Variants in C1orf21 observed in about 807,000 individuals in gnomAD.
C1orf21 encodes the protein uncharacterized protein C1orf21.
A neutral mutation model predicts 18.7 loss-of-function variants in C1orf21; 3 were observed. That is an observed-to-expected ratio of 0.16 (90% CI 0.07 to 0.42). The LOEUF is 0.42. Ranked by LOEUF, C1orf21 falls within the 10% of genes least tolerant of loss-of-function variation. The pLI, the probability that C1orf21 is intolerant of heterozygous loss-of-function variation, is 0.99. For synonymous variants in C1orf21, 41 were observed against 46.4 expected (o/e 0.88, Z 0.47); for missense variants, 104 against 143.6 (o/e 0.72, Z 1.41).
intron 5 of C1orf21, among the ~76,000 whole-genome samples, chr1:184,599,089 C>T (rs1433689317): frequency 6.6e-6 from 1 of 152,116 alleles, no homozygotes; most frequent in Admixed American, 6.5e-5. Context: ...CAGTAAGATA[C>T]AAAGTCGATC....
At chr1:184,580,268 G>A (rs1056593371) in intron 3 of C1orf21, among the ~76,000 whole-genome samples, 11 of 152,136 alleles carry the variant, frequency 7.2e-5, no homozygotes, top group African/African-American at 2.4e-4. Flanking sequence ...TTCATCTCCT[G>A]TTACAATCCT....
chr1:184,557,150 C>G (rs538398622), intron 3 of C1orf21, among the ~76,000 whole-genome samples: 1 of 152,150 alleles, frequency 6.6e-6, no homozygotes, highest in Non-Finnish European at 1.5e-5. Flanking sequence ...AGCCTCCTGA[C>G]GCTCATTAAT....
intron 3 of C1orf21, among the ~76,000 whole-genome samples, chr1:184,576,385 A>C (rs977366206): frequency 6.6e-6 from 1 of 152,192 alleles, no homozygotes; most frequent in African/African-American, 2.4e-5. Context: ...TGGGCCTTCC[A>C]AAGTGCTGGG....
intron 2 of C1orf21, among the ~76,000 whole-genome samples, chr1:184,484,647 G>A (rs1338202349): frequency 6.6e-6 from 1 of 152,122 alleles, no homozygotes; most frequent in East Asian, 1.9e-4. Context: ...TAACTAAGGT[G>A]GCCTGCACTG....
intron 1 of C1orf21, among the ~76,000 whole-genome samples, chr1:184,474,919 ATGGATGCTGCCCCTGAGAAGGTGC>A (rs1475645587): frequency 6.6e-6 from 1 of 152,116 alleles, no homozygotes; most frequent in Non-Finnish European, 1.5e-5. Flanking sequence ...AAGCAGGGGG[ATGGATGCTGCCCCTGAGAAGGTGC>A]TGGCTGGGAA....
At chr1:184,420,723 A>G (rs1053665137) in intron 1 of C1orf21, among the ~76,000 whole-genome samples, 1 of 152,180 alleles carries the variant, frequency 6.6e-6, no homozygotes, top group Non-Finnish European at 1.5e-5. Context: ...TGAAGTTGTT[A>G]AAAAATAAGT....
At chr1:184,436,935 C>T (rs1228614372) in intron 1 of C1orf21, among the ~76,000 whole-genome samples, 1 of 152,012 alleles carries the variant, frequency 6.6e-6, no homozygotes, top group Non-Finnish European at 1.5e-5. Context: ...TGAGATTGAG[C>T]GGCGGGTTGG....
intron 3 of C1orf21, among the ~76,000 whole-genome samples, chr1:184,522,224 T>C (rs1557993189): frequency 6.6e-6 from 1 of 152,178 alleles, no homozygotes; most frequent in Non-Finnish European, 1.5e-5. Context: ...CATGTGTAAA[T>C]ACATATAATG....
intron 1 of C1orf21, among the ~76,000 whole-genome samples, chr1:184,470,878 CAA>C (rs35608530): frequency 9.5e-5 from 13 of 137,244 alleles, no homozygotes; most frequent in South Asian, 4.6e-4. Flanking sequence ...GACTCTTTCT[CAA>C]AAAAAAAAAA....
Position 184,450,752 on chromosome 1 carries a change from A to G in C1orf21, c.-124-26634A>G, listed in dbSNP as rs1329688709. The stretch of plus-strand genomic sequence containing the variant: ...AAGGCTTTATAAAGGACAAGAGAGA[A>G]CCTAACCTATTTTTGTTCTTATTAA... On this transcript the variant is annotated intron_variant, in intron 1 of 5. Transcript: ENST00000235307. Among the ~76,000 whole-genome samples, 3 of 152,216 alleles carry G rather than the reference A, an allele frequency of 2.0e-5. No homozygotes were observed. The East Asian group carries it at 5.8e-4, about 29-fold the overall frequency.
chr1:184,522,749 G>A lies in C1orf21; in HGVS notation c.189+15067G>A, dbSNP rs149375324. On this transcript the variant is annotated intron_variant, in intron 3 of 5. Coordinates refer to ENST00000235307, the MANE Select transcript of C1orf21 (RefSeq NM_030806.4). ...TTTGCCCAGGCTGGAGTGCAGTGGC[G>A]CAATTTTGGCTCACTGCAGCCTTGA... Among the ~76,000 whole-genome samples, 331 of 152,250 alleles carry A rather than the reference G, an allele frequency of 2.2e-3. 3 individuals are homozygous for A. Among genetic ancestry groups the A allele is most frequent in the African/African-American group, 7.5e-3 (311 of 41,530 alleles).
At chr1:184,559,013 T>C (rs1309342074) in intron 3 of C1orf21, among the ~76,000 whole-genome samples, 1 of 152,240 alleles carries the variant, frequency 6.6e-6, no homozygotes, top group African/African-American at 2.4e-5. Flanking sequence ...AGTTGCTTGA[T>C]ATTTTCTGAG....
intron 2 of C1orf21, among the ~76,000 whole-genome samples, chr1:184,498,884 C>G (rs1193617425): frequency 3.3e-5 from 5 of 152,226 alleles, no homozygotes; most frequent in Non-Finnish European, 5.9e-5. Context: ...AATCAGACCA[C>G]TGGGTTCAAG....
At chr1:184,448,940 A>G (rs571530330) in intron 1 of C1orf21, among the ~76,000 whole-genome samples, 65 of 152,274 alleles carry the variant, frequency 4.3e-4, no homozygotes, top group Non-Finnish European at 6.2e-4. Context: ...CTTTCTTCCA[A>G]ATCTTCCTGC....
intron 5 of C1orf21, among the ~76,000 whole-genome samples, chr1:184,601,823 C>T (rs1350229163): frequency 6.6e-6 from 1 of 151,918 alleles, no homozygotes; most frequent in East Asian, 1.9e-4. Context: ...ATCACTTGAA[C>T]TCGGGAGGTG....
chr1:184,388,289 A>G (rs1397929107), intron 1 of C1orf21, among the ~76,000 whole-genome samples: 1 of 152,178 alleles, frequency 6.6e-6, no homozygotes, highest in African/African-American at 2.4e-5. Flanking sequence ...TCTTTGCTCC[A>G]AGAGTTGCAT....
Position 184,590,936 on chromosome 1 carries a change from C to A in C1orf21, c.266+121C>A, listed in dbSNP as rs1659428308. On this transcript the variant is annotated intron_variant, in intron 4 of 5. Transcript: ENST00000235307. ...AAAAAATAATAATTCTACAAAGTTC[C>A]AAAAAACAAAATTTGAACTTGCCGC... The A allele has an allele frequency of 1.4e-5, 14 of 976,496 alleles. No individual in the cohort carries two copies. In the East Asian group the frequency reaches 3.3e-4, roughly 23 times the overall value. The allele number at this position is 976,496 out of a possible 1,614,324, so 60.5% of individuals were successfully genotyped here. A position where few individuals can be genotyped will look rare whatever the true frequency, so the allele number is the denominator to read the frequency against.
chr1:184,528,372 A>G (rs1658408699), intron 3 of C1orf21, among the ~76,000 whole-genome samples: 1 of 152,170 alleles, frequency 6.6e-6, no homozygotes, highest in East Asian at 1.9e-4. Flanking sequence ...TTTTTCCAGA[A>G]TTGTAGGCAT....
intron 3 of C1orf21, among the ~76,000 whole-genome samples, chr1:184,508,278 T>G (rs1658095609): frequency 6.6e-6 from 1 of 152,188 alleles, no homozygotes; most frequent in Non-Finnish European, 1.5e-5. Flanking sequence ...CATTCCATCT[T>G]AACATCCCAT....
Sources: gnomAD v4.1 joint callset for allele counts (sites outside exome capture counted in the v4.1 genomes callset) on GRCh38, gnomAD v4.1.1 for gene constraint, MANE v1.5 for transcripts, NCBI Gene and HGNC (gene_info 2026-07-23, HGNC 2026-07-21) for gene names.